The following RNF212 variants were observed in gnomAD, a reference collection of about 807,000 sequenced individuals.
RNF212 encodes the protein probable E3 SUMO-protein ligase RNF212.
Under a neutral mutation model 34.7 loss-of-function variants are expected in RNF212, and 33 were observed. That is an observed-to-expected ratio of 0.95 (90% CI 0.72 to 1.27). The LOEUF is 1.27. Ranked by LOEUF, RNF212 falls within the 50% of genes most tolerant of loss-of-function variation. RNF212 has a pLI of 0.00. For synonymous variants in RNF212, 140 were observed against 136.1 expected, an observed-to-expected ratio of 1.03 and a Z score of -0.20; for missense variants, 377 against 362.2, an observed-to-expected ratio of 1.04 and a Z score of -0.33.
chr4:1,085,065 C>G (rs1720954545), intron 5 of RNF212, among the ~76,000 whole-genome samples: 1 of 152,230 alleles, frequency 6.6e-6, no homozygotes. Context: ...TCACCCACCC[C>G]TACACACACA....
At chr4:1,087,967 C>T (rs112883152) in intron 4 of RNF212, among the ~76,000 whole-genome samples, 13,979 of 152,110 alleles carry the variant, frequency 0.092, 694 homozygotes, top group African/African-American at 0.1. Flanking sequence ...ATCACCCAGT[C>T]TCAGGTAGTT....
intron 8 of RNF212, among the ~76,000 whole-genome samples, chr4:1,075,075 CTG>C (rs1275897282): frequency 6.6e-6 from 1 of 152,216 alleles, no homozygotes; most frequent in Non-Finnish European, 1.5e-5. Flanking sequence ...TGTCTGACAG[CTG>C]TGAGTTACAG....
intron 2 of RNF212, among the ~76,000 whole-genome samples, chr4:1,102,106 T>C (rs1724075952): frequency 6.6e-6 from 1 of 152,008 alleles, no homozygotes. Flanking sequence ...TAGTGTAATA[T>C]TACAGAGGAA....
downstream of RNF212, among the ~76,000 whole-genome samples, chr4:1,066,906 T>C (rs377101268): frequency 2.0e-4 from 31 of 152,254 alleles, no homozygotes; most frequent in African/African-American, 7.2e-4. Flanking sequence ...CTCTATGTTT[T>C]CTTAAAAGAG....
chr4:1,110,312 C>G (rs955801397), intron 1 of RNF212, among the ~76,000 whole-genome samples: 1 of 152,160 alleles, frequency 6.6e-6, no homozygotes, highest in Admixed American at 6.5e-5. Context: ...GTCAAGGTCA[C>G]TAGTAAGAGA....
chr4:1,081,872 T>C (rs950595088), intron 5 of RNF212: 5 of 488,844 alleles, frequency 1.0e-5, no homozygotes, highest in Non-Finnish European at 1.5e-5. Context: ...CAACTGCAAC[T>C]GTCACTCAGC....
intron 3 of RNF212, chr4:1,093,582 A>G (rs1021861007): frequency 2.0e-6 from 3 of 1,535,952 alleles, no homozygotes; most frequent in Admixed American, 2.0e-5. Context: ...CACGAGAGGC[A>G]GAGCAGACAG....
intron 4 of RNF212, among the ~76,000 whole-genome samples, chr4:1,090,111 G>A (rs1015620739): frequency 6.7e-6 from 1 of 149,574 alleles, no homozygotes; most frequent in Non-Finnish European, 1.5e-5. Flanking sequence ...ACAGGATGGG[G>A]TTGGGGTGAC....
chr4:1,075,656 A>T (rs1174730456), intron 8 of RNF212, among the ~76,000 whole-genome samples: 3 of 152,182 alleles, frequency 2.0e-5, no homozygotes, highest in Non-Finnish European at 4.4e-5. Flanking sequence ...AAACTATATC[A>T]GCTGGTTTCC....
At chr4:1,074,424 C>T (rs1456502575) in intron 8 of RNF212, among the ~76,000 whole-genome samples, 2 of 152,198 alleles carry the variant, frequency 1.3e-5, no homozygotes, top group Non-Finnish European at 2.9e-5. Context: ...ACCTCTGCTA[C>T]CCACTTTCCT....
At chr4:1,109,103 G>A (rs1269416389) in intron 1 of RNF212, among the ~76,000 whole-genome samples, 1 of 151,224 alleles carries the variant, frequency 6.6e-6, no homozygotes, top group Non-Finnish European at 1.5e-5. Flanking sequence ...CACCTCCTGG[G>A]TTCAAGTGAT....
chr4:1,100,598 G>A (rs2153059628), intron 2 of RNF212: 1 of 152,148 alleles, frequency 6.6e-6, no homozygotes, highest in East Asian at 1.9e-4. Context: ...CAGTAGAGAT[G>A]GGGTTTCTCC....
At chr4:1,085,479 C>T (rs1351052237) in intron 5 of RNF212, among the ~76,000 whole-genome samples, 2 of 152,216 alleles carry the variant, frequency 1.3e-5, no homozygotes, top group African/African-American at 4.8e-5. Context: ...ACAGAACATG[C>T]CACATATATG....
chr4:1,098,987 G>C (rs989507357), intron 2 of RNF212, among the ~76,000 whole-genome samples: 2 of 152,148 alleles, frequency 1.3e-5, no homozygotes, highest in African/African-American at 2.4e-5. Flanking sequence ...GAGGGGGACT[G>C]AGTCATTCTA....
chr4:1,076,933 A>C (rs1177217473), intron 8 of RNF212, among the ~76,000 whole-genome samples: 2 of 152,204 alleles, frequency 1.3e-5, no homozygotes, highest in African/African-American at 4.8e-5. Context: ...CAAATGTTTT[A>C]CTATCTGGCC....
chr4:1,092,608 G>C (rs996712308), intron 3 of RNF212, among the ~76,000 whole-genome samples: 8 of 152,208 alleles, frequency 5.3e-5, no homozygotes, highest in African/African-American at 1.9e-4. Flanking sequence ...GTTTAAAAGG[G>C]ACAGTGAGTG....
rs1484873819 is a variant in RNF212, at chr4:1,072,704, A to C, written c.*170T>G. ...AGTACATAAAAATATTGTCTCTAAA[A>C]TTCAAAGGTCAAATATAAAATTACA... On this transcript the variant is annotated 3_prime_UTR_variant, in exon 10 of 10. Coordinates refer to ENST00000433731, the MANE Select transcript of RNF212 (RefSeq NM_001131034.4). 7.3e-7 allele frequency: 1 copy of C among 1,373,598 alleles called. No individual in the cohort carries two copies. The highest frequency in any genetic ancestry group is 1.5e-5 in the African/African-American group (1 of 68,596). 85.1% of individuals were successfully genotyped at this position (1,373,598 alleles called of 1,614,324 possible). A position where few individuals can be genotyped will look rare whatever the true frequency, so the allele number is the denominator to read the frequency against.
chr4:1,073,254 T>C (rs1718730349), intron 9 of RNF212, 61 bp from the exon 10 acceptor site: 1 of 1,581,280 alleles, frequency 6.3e-7, no homozygotes, highest in South Asian at 1.2e-5. Context: ...GAGGTGGATG[T>C]GTGCTGAGGG....
At chr4:1,091,247 A>T (rs1371138668) in intron 3 of RNF212, among the ~76,000 whole-genome samples, 2 of 152,236 alleles carry the variant, frequency 1.3e-5, no homozygotes, top group Non-Finnish European at 2.9e-5. Context: ...CAGAGCTGGC[A>T]GAGGCCTGGT....
Sources: gnomAD v4.1 joint callset for allele counts (sites outside exome capture counted in the v4.1 genomes callset) on GRCh38, gnomAD v4.1.1 for gene constraint, MANE v1.5 for transcripts, NCBI Gene and HGNC (gene_info 2026-07-23, HGNC 2026-07-21) for gene names.